CCDC93: variants seen among roughly 807,000 people sequenced by gnomAD.
CCDC93 encodes the protein CCC complex scaffolding subunit CCDC93.
CCDC93 carries 61 observed loss-of-function variants against 108.2 expected under a neutral mutation model. The observed-to-expected ratio is 0.56, with a 90% CI of 0.46 to 0.70. The LOEUF is 0.70. CCDC93 is among the 30% of genes least tolerant of loss of function. The pLI, the probability that CCDC93 is intolerant of heterozygous loss-of-function variation, is 0.00. For synonymous variants in CCDC93, 276 were observed against 260.4 expected (o/e 1.06, Z -0.58); for missense variants, 685 against 764.2 (o/e 0.90, Z 1.22).
intron 3 of CCDC93, among the ~76,000 whole-genome samples, chr2:118,002,813 G>A (rs141566654): frequency 3.2e-4 from 48 of 152,274 alleles, no homozygotes; most frequent in African/African-American, 1.0e-3. Context: ...CAAGGAGGGA[G>A]GTCACTTGAG....
rs1293546044 is a variant in CCDC93 at position 117,939,236 on chromosome 2, C to T, written c.1523-125G>A. The T allele has an allele frequency of 1.2e-5, 7 of 605,756 alleles. No individual in the cohort carries two copies. In the Middle Eastern group the frequency reaches 7.7e-4, roughly 66 times the overall value. The allele number at this position is 605,756 out of a possible 1,614,324, so 37.5% of individuals were successfully genotyped here. On this transcript the variant is annotated intron_variant, in intron 19 of 23. Transcript: ENST00000376300. ...GGCCTGGGAGCTCACTCTGCAGAAA[C>T]CCCACAGCGTGCAAACTGAATTGCC...
In CCDC93 at chr2:117,964,207, T is replaced by C. The variant is rs193297177; in HGVS notation, c.889-5726A>G. 6.4e-4 allele frequency among the ~76,000 whole-genome samples: 98 copies of C among 152,242 alleles called. No homozygotes were observed. In the East Asian group the frequency reaches 9.3e-3, roughly 14 times the overall value. ...CAGATCTTATTGTGTGGGGGCACGG[T>C]GGTATGCACTGGGGAAGTGGGAAAA... is the stretch of plus-strand genomic sequence containing the variant. On this transcript the variant is annotated intron_variant, in intron 11 of 23. Transcript: ENST00000376300.
intron 23 of CCDC93, among the ~76,000 whole-genome samples, chr2:117,927,552 C>T (rs565386682): frequency 5.9e-5 from 9 of 152,110 alleles, no homozygotes; most frequent in Non-Finnish European, 1.3e-4. Flanking sequence ...ATCCAAATTA[C>T]AAGGGACATG....
intron 6 of CCDC93, among the ~76,000 whole-genome samples, chr2:117,991,923 G>A (rs957235600): frequency 6.6e-6 from 1 of 152,156 alleles, no homozygotes; most frequent in African/African-American, 2.4e-5. Context: ...CACAGCCCTA[G>A]AGTTTCTGAG....
intron 19 of CCDC93, among the ~76,000 whole-genome samples, chr2:117,940,084 C>T (rs548544947): frequency 1.3e-5 from 2 of 152,246 alleles, no homozygotes; most frequent in Admixed American, 1.3e-4. Flanking sequence ...GTGGCTACAG[C>T]GCAGTCCAGA....
At chr2:117,959,639 C>A (rs756991740) in intron 11 of CCDC93, among the ~76,000 whole-genome samples, 2 of 152,168 alleles carry the variant, frequency 1.3e-5, no homozygotes, top group African/African-American at 2.4e-5. Context: ...TGCTACTTAA[C>A]AATTTTGGAG....
At chr2:117,962,170 C>T (rs1423550044) in intron 11 of CCDC93, among the ~76,000 whole-genome samples, 1 of 152,098 alleles carries the variant, frequency 6.6e-6, no homozygotes, top group African/African-American at 2.4e-5. Flanking sequence ...TTGAAAGAAA[C>T]CCAAAAGGTT....
At chr2:117,992,253 A>AT (rs1433560585) in intron 6 of CCDC93, among the ~76,000 whole-genome samples, 1 of 152,008 alleles carries the variant, frequency 6.6e-6, no homozygotes, top group African/African-American at 2.4e-5. Flanking sequence ...CTTTTTATTT[A>AT]TTGTTTTGAG....
At chr2:117,993,274 T>C (rs1338598354) in intron 6 of CCDC93, among the ~76,000 whole-genome samples, 1 of 151,708 alleles carries the variant, frequency 6.6e-6, no homozygotes, top group Non-Finnish European at 1.5e-5. Context: ...CGGGCGCCTG[T>C]AGTCCCAGCT....
At chr2:117,997,635 G>A (rs1680696172) in intron 4 of CCDC93, 1 of 152,324 alleles carries the variant, frequency 6.6e-6, no homozygotes, top group East Asian at 1.9e-4. Flanking sequence ...ATTCCTTGCT[G>A]TCAGTATCTT....
intron 23 of CCDC93, among the ~76,000 whole-genome samples, chr2:117,929,773 A>G (rs1678263967): frequency 6.6e-6 from 1 of 152,150 alleles, no homozygotes; most frequent in South Asian, 2.1e-4. Flanking sequence ...GGAGTCCCAG[A>G]CTGAGCCGCA....
chr2:117,959,127 G>A (rs1013912323), intron 11 of CCDC93, among the ~76,000 whole-genome samples: 2 of 152,192 alleles, frequency 1.3e-5, no homozygotes, highest in Non-Finnish European at 2.9e-5. Context: ...AGAGATCTCT[G>A]AACAAGATGA....
rs973486871 is a variant in CCDC93 at position 118,005,176 on chromosome 2, A to C, written c.251+1546T>G. Among the ~76,000 whole-genome samples, 8 of 152,322 alleles carry C rather than the reference A, an allele frequency of 5.3e-5. No individual in the cohort carries two copies. In the South Asian group the frequency reaches 1.7e-3, roughly 32 times the overall value. ...AGACATAGAAAAATACTGTGTTCCC[A>C]TATCTATTAAAAGTATAATGGAATG... is the stretch of plus-strand genomic sequence containing the variant. On this transcript the variant is annotated intron_variant, in intron 3 of 23. Coordinates refer to ENST00000376300, the MANE Select transcript of CCDC93 (RefSeq NM_019044.5).
intron 12 of CCDC93, among the ~76,000 whole-genome samples, chr2:117,956,647 A>C (rs1237819047): frequency 6.6e-6 from 1 of 152,154 alleles, no homozygotes; most frequent in Non-Finnish European, 1.5e-5. Flanking sequence ...CTGAGTTGAC[A>C]ACTCATTAAA....
At chr2:117,945,448 T>G in intron 17 of CCDC93, 81 bp downstream of exon 17, 13 of 1,140,382 alleles carry the variant, frequency 1.1e-5, no homozygotes, top group Non-Finnish European at 1.6e-5. Context: ...AAAGTAGGCA[T>G]GAGAAGCCAT....
intron 22 of CCDC93, chr2:117,934,907 T>A (rs1678473413): frequency 6.6e-6 from 1 of 152,212 alleles, no homozygotes; most frequent in African/African-American, 2.4e-5. Flanking sequence ...ACTGCAGCTG[T>A]CTCTGTAGGA....
intron 6 of CCDC93, among the ~76,000 whole-genome samples, chr2:117,994,708 G>A (rs1440978044): frequency 6.6e-6 from 1 of 152,148 alleles, no homozygotes; most frequent in Admixed American, 6.5e-5. Flanking sequence ...TTTCATTTGG[G>A]TGGCATATTA....
rs1054266792 is a variant in CCDC93, at chr2:117,918,203, CTG to C, written c.*2138_*2139del. ...ATTACTCAGAAAGGCACTGTCCACA[CTG>C]AGAGTTGTCTGCAGCAAGTGTGAAA... On this transcript the variant is annotated 3_prime_UTR_variant, in exon 24 of 24. Transcript: ENST00000376300. 5.3e-5 allele frequency: 8 copies of C among 152,152 alleles called. No homozygotes were observed. The highest frequency in any genetic ancestry group is 8.8e-5 in the Non-Finnish European group (6 of 68,046). The allele number at this position is 152,152 out of a possible 1,614,324, so 9.4% of individuals were successfully genotyped here. A position where few individuals can be genotyped will look rare whatever the true frequency, so the allele number is the denominator to read the frequency against.
intron 6 of CCDC93, among the ~76,000 whole-genome samples, chr2:117,986,851 T>C (rs1680335549): frequency 6.6e-6 from 1 of 152,128 alleles, no homozygotes; most frequent in African/African-American, 2.4e-5. Context: ...AATAGGAAGC[T>C]ATAAATAACA....
Sources: gnomAD v4.1 joint callset for allele counts (sites outside exome capture counted in the v4.1 genomes callset) on GRCh38, gnomAD v4.1.1 for gene constraint, MANE v1.5 for transcripts, NCBI Gene and HGNC (gene_info 2026-07-23, HGNC 2026-07-21) for gene names.